CAMTA1: variants seen among roughly 807,000 people sequenced by gnomAD.
CAMTA1 encodes the protein calmodulin-binding transcription activator 1.
CAMTA1 carries 27 observed loss-of-function variants against 170.9 expected under a neutral mutation model. The observed-to-expected ratio is 0.16, with a 90% CI of 0.12 to 0.22. The LOEUF (loss-of-function observed/expected upper bound fraction) is 0.22, where lower values mean the gene tolerates loss of function less well. Ranked by LOEUF, CAMTA1 falls within the 10% of genes least tolerant of loss-of-function variation. The pLI, the probability that CAMTA1 is intolerant of heterozygous loss-of-function variation, is 1.00. For missense variants in CAMTA1, 1,619 were observed against 2,217.2 expected, an observed-to-expected ratio of 0.73 and a Z score of 5.42; for synonymous variants, 833 against 891.5, an observed-to-expected ratio of 0.93 and a Z score of 1.17.
In CAMTA1 at chr1:7,196,464, A is replaced by T. The variant is rs144035395; in HGVS notation, c.303-53027A>T. 1.5e-3 allele frequency among the ~76,000 whole-genome samples: 225 copies of T among 152,338 alleles called. 1 individual carries two copies. The highest frequency in any genetic ancestry group is 5.1e-3 in the African/African-American group (214 of 41,586). ...GCTCTCACAGAGCCCCTGACCAGTG[A>T]TGGGACATTCCAGTTAGCAGGAGAG... On this transcript the variant is annotated intron_variant, in intron 4 of 22. Transcript: ENST00000303635.
intron 4 of CAMTA1, among the ~76,000 whole-genome samples, chr1:7,110,464 C>T (rs766076328): frequency 1.8e-4 from 28 of 152,298 alleles, no homozygotes; most frequent in African/African-American, 6.3e-4. Flanking sequence ...CCGAGCAGGC[C>T]GGGCCAGTCT....
chr1:6,864,309 A>G (rs1392130801), intron 3 of CAMTA1, among the ~76,000 whole-genome samples: 2 of 152,202 alleles, frequency 1.3e-5, no homozygotes, highest in South Asian at 2.1e-4. Context: ...CCAAGCCACA[A>G]TTGCCTGTGC....
intron 11 of CAMTA1, among the ~76,000 whole-genome samples, chr1:7,707,842 C>T (rs555295487): frequency 3.3e-5 from 5 of 152,272 alleles, no homozygotes; most frequent in Admixed American, 3.3e-4. Context: ...AGAGTCTTCT[C>T]CTCTTCTTGA....
chr1:7,167,660 T>G (rs1648757821), intron 4 of CAMTA1, among the ~76,000 whole-genome samples: 2 of 152,226 alleles, frequency 1.3e-5, no homozygotes, highest in Admixed American at 1.3e-4. Context: ...GGGGAGATTT[T>G]GATTGGAATT....
chr1:6,970,544 C>T lies in CAMTA1; in HGVS notation c.235-120760C>T, dbSNP rs1276225195. Among the ~76,000 whole-genome samples, 1 of 152,010 alleles carries T rather than the reference C, an allele frequency of 6.6e-6. No homozygotes were observed. Among genetic ancestry groups the T allele is most frequent in the Non-Finnish European group, 1.5e-5 (1 of 67,994 alleles). On this transcript the variant is annotated intron_variant, in intron 3 of 22. Coordinates refer to ENST00000303635, the MANE Select transcript of CAMTA1 (RefSeq NM_015215.4). This position sits in a 1 kb window ranked among gnomAD's most constrained non-coding sequence, Gnocchi z 4.4. The stretch of plus-strand genomic sequence containing the variant: ...TCCAAGGGCCTGGCAAAGGATGTGG[C>T]GACAGGACCCAGGGACTCCACCTGA...
chr1:7,141,233 C>T (rs1455809550), intron 4 of CAMTA1, among the ~76,000 whole-genome samples: 1 of 152,080 alleles, frequency 6.6e-6, no homozygotes, highest in East Asian at 1.9e-4. Flanking sequence ...AGGTGATACC[C>T]CCTGGGCTCT....
intron 6 of CAMTA1, among the ~76,000 whole-genome samples, chr1:7,627,023 AC>A (rs1409926008): frequency 1.2e-4 from 19 of 152,168 alleles, no homozygotes; most frequent in Admixed American, 1.1e-3. Flanking sequence ...CTGGATGAGG[AC>A]TAGAAGTGAT....
At chr1:6,993,758 G>T (rs1696759460) in intron 3 of CAMTA1, among the ~76,000 whole-genome samples, 1 of 151,954 alleles carries the variant, frequency 6.6e-6, no homozygotes, top group African/African-American at 2.4e-5. Context: ...TGTGTTTCTT[G>T]TAGACAGCCT....
At chr1:7,142,532 TG>T (rs1645947318) in intron 4 of CAMTA1, among the ~76,000 whole-genome samples, 1 of 152,186 alleles carries the variant, frequency 6.6e-6, no homozygotes, top group Non-Finnish European at 1.5e-5. Flanking sequence ...TGGGACCTAA[TG>T]GGAGATGTTT....
At chr1:7,278,840 G>GA (rs1314297451) in intron 5 of CAMTA1, among the ~76,000 whole-genome samples, 1 of 152,152 alleles carries the variant, frequency 6.6e-6, no homozygotes, top group Non-Finnish European at 1.5e-5. Flanking sequence ...CCAATTGTAT[G>GA]AAAAAACTGT....
At chr1:7,360,624 TG>T (rs1253695902) in intron 5 of CAMTA1, among the ~76,000 whole-genome samples, 1 of 152,052 alleles carries the variant, frequency 6.6e-6, no homozygotes, top group Non-Finnish European at 1.5e-5. Flanking sequence ...GCATGGGAGG[TG>T]CTCATGCCTT....
At chr1:7,419,047 C>G (rs1277489220) in intron 5 of CAMTA1, among the ~76,000 whole-genome samples, 1 of 152,258 alleles carries the variant, frequency 6.6e-6, no homozygotes, top group South Asian at 2.1e-4. Flanking sequence ...GTATTCCTAA[C>G]CTCAGAGCTC....
Position 7,435,941 on chromosome 1 carries a change from A to C in CAMTA1, c.439-31889A>C, listed in dbSNP as rs532396649. Among the ~76,000 whole-genome samples the C allele has an allele frequency of 6.6e-6, 1 of 152,276 alleles. No homozygotes were observed. The highest frequency in any genetic ancestry group is 2.1e-4 in the South Asian group (1 of 4,832). ...CTGTCTTAGGTACAAGAGGCACCTC[A>C]GGAGCAGAGGAGGGAGCTGGGAAGC... On this transcript the variant is annotated intron_variant, in intron 5 of 22. Coordinates refer to ENST00000303635, the MANE Select transcript of CAMTA1 (RefSeq NM_015215.4). The surrounding 1 kb of genome is among the most constrained non-coding windows in gnomAD (Gnocchi z 4.4).
intron 11 of CAMTA1, among the ~76,000 whole-genome samples, chr1:7,686,748 T>G (rs747729065): frequency 6.6e-6 from 1 of 151,982 alleles, no homozygotes; most frequent in African/African-American, 2.4e-5. Flanking sequence ...CAAGAGGCGA[T>G]TGTGGCTCTG....
intron 5 of CAMTA1, among the ~76,000 whole-genome samples, chr1:7,383,037 C>T (rs1373002238): frequency 6.6e-6 from 1 of 152,160 alleles, no homozygotes; most frequent in Non-Finnish European, 1.5e-5. Context: ...AAAACCAGAC[C>T]ATCTCCATGC....
At chr1:7,334,174 A>G (rs1441775414) in intron 5 of CAMTA1, among the ~76,000 whole-genome samples, 1 of 152,230 alleles carries the variant, frequency 6.6e-6, no homozygotes, top group Non-Finnish European at 1.5e-5. Context: ...CGTGGAAAGT[A>G]AAGTCTGTCA....
intron 6 of CAMTA1, among the ~76,000 whole-genome samples, chr1:7,578,642 A>G (rs188560687): frequency 1.3e-5 from 2 of 152,330 alleles, no homozygotes; most frequent in Admixed American, 1.3e-4. Context: ...AGAAAACCGC[A>G]GGCTGGGTAA....
At chr1:7,288,244 C>T (rs148792165) in intron 5 of CAMTA1, among the ~76,000 whole-genome samples, 36 of 152,320 alleles carry the variant, frequency 2.4e-4, no homozygotes, top group Middle Eastern at 3.4e-3. Flanking sequence ...TGAGAATACA[C>T]GGCACAGTTC....
intron 4 of CAMTA1, among the ~76,000 whole-genome samples, chr1:7,181,962 A>C (rs1262179443): frequency 6.6e-6 from 1 of 152,028 alleles, no homozygotes; most frequent in Non-Finnish European, 1.5e-5. Flanking sequence ...ATGAACTATA[A>C]AGCCTCTATA....
Sources: allele counts gnomAD v4.1 joint callset (sites outside exome capture counted in the v4.1 genomes callset), GRCh38; gene constraint gnomAD v4.1.1; non-coding constraint Gnocchi (gnomAD v3.1); transcripts MANE v1.5; gene names NCBI Gene and HGNC (gene_info 2026-07-23, HGNC 2026-07-21).